The following ARHGEF33 variants were observed in gnomAD, a reference collection of about 807,000 sequenced individuals.
ARHGEF33 encodes Rho guanine nucleotide exchange factor 33, also known as DH and coiled-coil domain-containing protein ENSP00000381780.
In ARHGEF33, 72 loss-of-function variants were observed where a neutral mutation model predicts 101.9. The ratio of observed to expected loss-of-function variants is 0.71; its 90% CI spans 0.58 to 0.86. The LOEUF (loss-of-function observed/expected upper bound fraction) is 0.86. Among genes scored for constraint, ARHGEF33 ranks in the 40% least tolerant of loss-of-function variants. ARHGEF33 has a pLI of 0.00. For missense variants in ARHGEF33, 1,169 were observed against 1,111.3 expected, an observed-to-expected ratio of 1.05 and a Z score of -0.74; for synonymous variants, 499 against 442.5, an observed-to-expected ratio of 1.13 and a Z score of -1.60.
At chr2:38,930,572 C>T (rs918665228) in intron 6 of ARHGEF33, among the ~76,000 whole-genome samples, 1 of 152,104 alleles carries the variant, frequency 6.6e-6, no homozygotes, top group Non-Finnish European at 1.5e-5. Flanking sequence ...TCTTGAACTC[C>T]TGGGCTCAAG....
chr2:38,913,093 G>A (rs1236284247), intron 2 of ARHGEF33, among the ~76,000 whole-genome samples: 1 of 149,986 alleles, frequency 6.7e-6, no homozygotes, highest in Non-Finnish European at 1.5e-5. Flanking sequence ...CTGGAGTGCA[G>A]TAGTGCAATC....
At position 38,931,156 on chromosome 2, in the gene ARHGEF33, C is replaced by G. The variant is rs199921991; in HGVS notation, c.410C>G (p.Ala137Gly). The G allele has an allele frequency of 6.4e-3, 9,997 of 1,551,490 alleles. 55 individuals carry two copies. The highest frequency in any genetic ancestry group is 9.8e-3 in the South Asian group (822 of 84,032). Reference protein sequence around the residue: ...EHSSQAGPAQAQGSPFRSINI... With the variant: ...EHSSQAGPAQGQGSPFRSINI... ...AGCTCACAGGCCGGGCCTGCCCAAG[C>G]ACAAGGAAGTCCTTTTCGTTCTATC... The change falls in exon 7 of 18, where the codon GCA becomes GGA. Residue 137 changes from alanine to glycine, a missense_variant. Physicochemically the swap from Ala to Gly is moderately conservative, Grantham distance 60. Coordinates refer to ENST00000409978, the MANE Select transcript of ARHGEF33 (RefSeq NM_001145451.5).
intron 10 of ARHGEF33, among the ~76,000 whole-genome samples, chr2:38,949,017 G>A (rs1667523109): frequency 6.6e-6 from 1 of 152,246 alleles, no homozygotes; most frequent in South Asian, 2.1e-4. Context: ...GAGGTGGAGG[G>A]AGTGGAAGAT....
intron 13 of ARHGEF33, among the ~76,000 whole-genome samples, chr2:38,955,955 C>T (rs939063057): frequency 4.6e-5 from 7 of 152,116 alleles, no homozygotes; most frequent in Non-Finnish European, 7.3e-5. Flanking sequence ...AGGTGTGAGC[C>T]ACCACCCGTG....
chr2:38,962,525 G>A (rs1667967361), intron 16 of ARHGEF33, among the ~76,000 whole-genome samples: 1 of 152,170 alleles, frequency 6.6e-6, no homozygotes, highest in East Asian at 1.9e-4. Flanking sequence ...TGCACATACT[G>A]GCCAGCAAGT....
chr2:38,937,707 C>T lies in ARHGEF33; in HGVS notation c.790+148C>T, dbSNP rs1667183651. ...GGTTTCCTTTTCAGATGAACTAAAG[C>T]CTATAGAGGTAAAGGGACTCATTAG... On this transcript the variant is annotated intron_variant, in intron 9 of 17. Transcript: ENST00000409978. 7 of 618,418 alleles carry T rather than the reference C, an allele frequency of 1.1e-5. No individual in the cohort carries two copies. The East Asian group carries it at 1.9e-4, about 17-fold the overall frequency. The allele number at this position is 618,418 out of a possible 1,614,324, so 38.3% of individuals were successfully genotyped here.
chr2:38,930,588 C>G lies in ARHGEF33; in HGVS notation c.363-521C>G, dbSNP rs149615439. Among the ~76,000 whole-genome samples, 423 of 152,274 alleles carry G rather than the reference C, an allele frequency of 2.8e-3. 3 individuals are homozygous for G. The highest frequency in any genetic ancestry group is 0.01 in the Middle Eastern group (3 of 294). Reference sequence around the variant, plus strand: ...CTTGAACTCCTGGGCTCAAGTGATCCTCCCACCTTGGCCTCCCAAAGTGGT... The same window carrying G: ...CTTGAACTCCTGGGCTCAAGTGATCGTCCCACCTTGGCCTCCCAAAGTGGT... On this transcript the variant is annotated intron_variant, in intron 6 of 17. Coordinates refer to ENST00000409978, the MANE Select transcript of ARHGEF33 (RefSeq NM_001145451.5).
chr2:38,904,848 T>C (rs1666352963), intron 2 of ARHGEF33, among the ~76,000 whole-genome samples: 1 of 152,170 alleles, frequency 6.6e-6, no homozygotes, highest in Non-Finnish European at 1.5e-5. Flanking sequence ...CTAACTAGGA[T>C]GCTCCTAGAG....
Position 38,931,217 on chromosome 2 carries a change from T to C in ARHGEF33, c.471T>C (p.Phe157=). 1.3e-6 allele frequency: 2 copies of C among 1,551,256 alleles called. No individual in the cohort carries two copies. The highest frequency in any genetic ancestry group is 1.7e-4 in the Middle Eastern group (1 of 5,986). The change falls in exon 7 of 18, where the codon TTT becomes TTC. Residue 157 remains phenylalanine, a synonymous_variant. Transcript: ENST00000409978. ...IPEPVLPSED[F]TNLLPSQAYE... ...AGCCTGTTCTTCCAAGCGAAGACTT[T>C]ACCAACCTTTTGCCTTCTCAGGCCT...
chr2:38,918,895 AC>A (rs1309982893), intron 2 of ARHGEF33, among the ~76,000 whole-genome samples: 10 of 151,258 alleles, frequency 6.6e-5, no homozygotes, highest in East Asian at 3.9e-4. Context: ...AAAAAAAAAA[AC>A]AAATCCAGGT....
chr2:38,952,791 C>T (rs1231593696), intron 11 of ARHGEF33, among the ~76,000 whole-genome samples: 2 of 151,998 alleles, frequency 1.3e-5, no homozygotes, highest in Admixed American at 6.6e-5. Context: ...CTCTGCCTCC[C>T]GGGTTCATGC....
chr2:38,969,690 G>GTA (rs1668125633), intron 17 of ARHGEF33: 2 of 154,488 alleles, frequency 1.3e-5, no homozygotes, highest in Admixed American at 1.3e-4. Flanking sequence ...TCCCTGAAAG[G>GTA]TATCCATAAT....
intron 16 of ARHGEF33, among the ~76,000 whole-genome samples, chr2:38,964,132 C>T (rs1668004304): frequency 6.6e-6 from 1 of 152,056 alleles, no homozygotes; most frequent in Non-Finnish European, 1.5e-5. Context: ...TCTGTAATCT[C>T]ATTTTGGTTG....
intron 4 of ARHGEF33, among the ~76,000 whole-genome samples, chr2:38,928,188 A>T (rs568367105): frequency 6.6e-6 from 1 of 152,308 alleles, no homozygotes; most frequent in Non-Finnish European, 1.5e-5. Context: ...TTTGTACCCT[A>T]CCTGATCCAA....
At chr2:38,920,692 G>A (rs1038856006) in intron 3 of ARHGEF33, among the ~76,000 whole-genome samples, 1 of 152,100 alleles carries the variant, frequency 6.6e-6, no homozygotes, top group African/African-American at 2.4e-5. Flanking sequence ...AGAGGTGTGA[G>A]CCACCACACC....
At chr2:38,968,897 T>C (rs1668110407) in intron 17 of ARHGEF33, among the ~76,000 whole-genome samples, 1 of 152,222 alleles carries the variant, frequency 6.6e-6, no homozygotes, top group South Asian at 2.1e-4. Context: ...TAGCGTTTTC[T>C]GAGTGTTTTC....
chr2:38,953,927 G>GTT (rs1667676758), intron 12 of ARHGEF33, among the ~76,000 whole-genome samples: 1 of 152,212 alleles, frequency 6.6e-6, no homozygotes, highest in South Asian at 2.1e-4. Flanking sequence ...AGTGCAGCAT[G>GTT]TTTTCTGCGG....
intron 2 of ARHGEF33, among the ~76,000 whole-genome samples, chr2:38,918,421 C>T (rs1359980621): frequency 3.3e-5 from 5 of 152,124 alleles, no homozygotes; most frequent in Non-Finnish European, 7.4e-5. Flanking sequence ...AAGAACCTGG[C>T]GTTTTCAGCC....
intron 2 of ARHGEF33, among the ~76,000 whole-genome samples, chr2:38,907,236 A>T (rs1470458369): frequency 6.6e-6 from 1 of 152,108 alleles, no homozygotes; most frequent in African/African-American, 2.4e-5. Flanking sequence ...CATTTTTCTA[A>T]CTGAACTCAT....
Sources: allele counts gnomAD v4.1 joint callset (sites outside exome capture counted in the v4.1 genomes callset), GRCh38; gene constraint gnomAD v4.1.1; transcripts MANE v1.5; gene names NCBI Gene and HGNC (gene_info 2026-07-23, HGNC 2026-07-21).